The following GRID2 variants were observed in gnomAD, a reference collection of about 807,000 sequenced individuals.
GRID2 encodes the protein glutamate receptor ionotropic, delta-2.
A neutral mutation model predicts 114.8 loss-of-function variants in GRID2; 33 were observed. That is an observed-to-expected ratio of 0.29 (90% CI 0.22 to 0.38). The LOEUF (loss-of-function observed/expected upper bound fraction) is 0.38, where lower values mean the gene tolerates loss of function less well. Among genes scored for constraint, GRID2 ranks in the 10% least tolerant of loss-of-function variants. The pLI is 1.00. For synonymous variants in GRID2, 505 were observed against 449.9 expected (o/e 1.12, Z -1.55); for missense variants, 1,184 against 1,257.7 (o/e 0.94, Z 0.89).
chr4:93,375,197 A>G (rs1579868130), intron 8 of GRID2, among the ~76,000 whole-genome samples: 2 of 147,132 alleles, frequency 1.4e-5, no homozygotes, highest in Admixed American at 6.7e-5. Flanking sequence ...CCTCCATGGG[A>G]GTTTTTCTTT....
intron 8 of GRID2, among the ~76,000 whole-genome samples, chr4:93,376,229 C>T (rs918435741): frequency 2.3e-4 from 32 of 139,618 alleles, no homozygotes; most frequent in African/African-American, 9.6e-4. Context: ...GAATGGAAGT[C>T]ATACCTGAAA....
rs567418884 is a variant in GRID2 at position 92,794,941 on chromosome 4, A to T, written c.244+204655A>T. 1.7e-3 allele frequency among the ~76,000 whole-genome samples: 249 copies of T among 146,318 alleles called. 3 individuals are homozygous for T. The highest frequency in any genetic ancestry group is 7.2e-3 in the Middle Eastern group (2 of 276). On this transcript the variant is annotated intron_variant, in intron 2 of 15. Transcript: ENST00000282020. ...ACACACACACATATCCTGTATACTT[A>T]CAATAAAGTAACCTGGAGAAAAGAG...
intron 4 of GRID2, among the ~76,000 whole-genome samples, chr4:93,205,048 C>T (rs555399242): frequency 1.2e-4 from 19 of 152,158 alleles, no homozygotes; most frequent in African/African-American, 4.3e-4. Flanking sequence ...AACCCACTTT[C>T]CTTATATCTT....
intron 2 of GRID2, among the ~76,000 whole-genome samples, chr4:92,707,662 G>A (rs1735017917): frequency 6.6e-6 from 1 of 152,206 alleles, no homozygotes; most frequent in South Asian, 2.1e-4. Flanking sequence ...TAGCTTTTGA[G>A]CTATGCTATG....
In GRID2 at chr4:93,110,775, A is replaced by G; in HGVS notation, c.557A>G (p.Asp186Gly). The stretch of plus-strand genomic sequence containing the variant: ...ATCCGTGGAATACAGGAGTTCTTGG[A>G]CAAAGTCTCTCAGCAGGGAATGGAT... ...YDIRGIQEFLDKVSQQGMDVA... is the reference protein window; with the variant it reads ...YDIRGIQEFLGKVSQQGMDVA... Residue 186 changes from aspartate (D) to glycine (G), a missense_variant, in exon 4 of 16, where the codon GAC becomes GGC. Transcript: ENST00000282020. 1 of 1,612,656 alleles carries G rather than the reference A, an allele frequency of 6.2e-7. No homozygotes were observed. The highest frequency in any genetic ancestry group is 1.1e-5 in the South Asian group (1 of 91,054).
intron 4 of GRID2, among the ~76,000 whole-genome samples, chr4:93,138,166 G>A (rs559918188): frequency 3.3e-5 from 5 of 151,466 alleles, no homozygotes; most frequent in African/African-American, 1.2e-4. Flanking sequence ...GTAGAGATGG[G>A]GTTTTACCAT....
chr4:92,671,059 A>T (rs569757965), intron 2 of GRID2, among the ~76,000 whole-genome samples: 1 of 152,260 alleles, frequency 6.6e-6, no homozygotes, highest in East Asian at 1.9e-4. Flanking sequence ...CTGAGGCTGC[A>T]TAATTTATGA....
intron 2 of GRID2, among the ~76,000 whole-genome samples, chr4:92,669,428 CAG>C (rs1276071176): frequency 3.3e-5 from 5 of 151,912 alleles, no homozygotes; most frequent in Admixed American, 1.3e-4. Flanking sequence ...AGAGCTGAAA[CAG>C]AGTAACTGCA....
chr4:92,546,928 C>G (rs752689074), intron 1 of GRID2, among the ~76,000 whole-genome samples: 12 of 152,192 alleles, frequency 7.9e-5, no homozygotes, highest in Non-Finnish European at 1.5e-5. Context: ...AGGCTCCCTA[C>G]ATCCCTCCTG....
At chr4:92,851,826 G>A (rs931189988) in intron 2 of GRID2, among the ~76,000 whole-genome samples, 1 of 151,898 alleles carries the variant, frequency 6.6e-6, no homozygotes, top group African/African-American at 2.4e-5. Context: ...GAAAGTATGT[G>A]AAAAAGTGGG....
intron 1 of GRID2, among the ~76,000 whole-genome samples, chr4:92,449,557 T>A (rs981364027): frequency 2.6e-5 from 4 of 150,968 alleles, no homozygotes; most frequent in Non-Finnish European, 4.4e-5. Flanking sequence ...TTGTATACAC[T>A]CTTCATATAA....
chr4:92,784,424 T>C (rs950762172), intron 2 of GRID2, among the ~76,000 whole-genome samples: 2 of 151,894 alleles, frequency 1.3e-5, no homozygotes, highest in Non-Finnish European at 1.5e-5. Flanking sequence ...TTATACAATT[T>C]GTGAAAGTTA....
chr4:92,985,526 C>T (rs932929823), intron 2 of GRID2, among the ~76,000 whole-genome samples: 3 of 152,096 alleles, frequency 2.0e-5, no homozygotes, highest in East Asian at 3.9e-4. Flanking sequence ...CGTAAGCCAC[C>T]GCGTCCGGCC....
At chr4:93,362,523 C>A (rs1761970975) in intron 8 of GRID2, among the ~76,000 whole-genome samples, 1 of 151,924 alleles carries the variant, frequency 6.6e-6, no homozygotes. Context: ...TACACAGTTT[C>A]ATTGAGTTTT....
chr4:93,143,940 T>C (rs971800746), intron 4 of GRID2, among the ~76,000 whole-genome samples: 4 of 152,188 alleles, frequency 2.6e-5, no homozygotes, highest in African/African-American at 9.7e-5. Flanking sequence ...TACAAATTTC[T>C]AAGCCACTCA....
chr4:93,283,779 G>T (rs1752884008), intron 8 of GRID2, among the ~76,000 whole-genome samples: 1 of 151,998 alleles, frequency 6.6e-6, no homozygotes, highest in East Asian at 1.9e-4. Context: ...CAGGTTATTT[G>T]GAAAACTGAA....
chr4:93,103,181 G>T (rs1163460218), intron 3 of GRID2, among the ~76,000 whole-genome samples: 1 of 151,990 alleles, frequency 6.6e-6, no homozygotes, highest in African/African-American at 2.4e-5. Flanking sequence ...TTCCACCAGC[G>T]CTAACTTGGG....
intron 12 of GRID2, among the ~76,000 whole-genome samples, chr4:93,492,235 A>G (rs1727078702): frequency 6.6e-6 from 1 of 151,948 alleles, no homozygotes; most frequent in Non-Finnish European, 1.5e-5. Flanking sequence ...ATCACTTACA[A>G]AAAGCCAGAT....
At chr4:93,580,377 T>G (rs1473005209) in intron 13 of GRID2, among the ~76,000 whole-genome samples, 1 of 152,218 alleles carries the variant, frequency 6.6e-6, no homozygotes, top group Non-Finnish European at 1.5e-5. Context: ...GATGTGTTGA[T>G]GCAATAGCAC....
Sources: gnomAD v4.1 joint callset for allele counts (sites outside exome capture counted in the v4.1 genomes callset) on GRCh38, gnomAD v4.1.1 for gene constraint, MANE v1.5 for transcripts, NCBI Gene and HGNC (gene_info 2026-07-23, HGNC 2026-07-21) for gene names.